Variants in TNFSF4 observed in about 807,000 individuals in gnomAD.
The protein encoded by TNFSF4 is tumor necrosis factor ligand superfamily member 4.
Under a neutral mutation model 7.3 loss-of-function variants are expected in TNFSF4, and 4 were observed. The ratio of observed to expected loss-of-function variants is 0.55; its 90% CI spans 0.27 to 1.25. The LOEUF (loss-of-function observed/expected upper bound fraction) is 1.25, where lower values mean the gene tolerates loss of function less well. Among genes scored for constraint, TNFSF4 ranks in the 50% most tolerant of loss-of-function variants. TNFSF4 has a pLI of 0.12. For missense variants in TNFSF4, 181 were observed against 208.8 expected (o/e 0.87, Z 0.82); for synonymous variants, 76 against 83.7 (o/e 0.91, Z 0.50).
chr1:173,261,740 A>C, the TNFSF4 span, among the ~76,000 whole-genome samples: 1 of 152,212 alleles, frequency 6.6e-6, no homozygotes, highest in Non-Finnish European at 1.5e-5. Flanking sequence ...AGAAATGGAT[A>C]AATTCCTGGA....
the TNFSF4 span, among the ~76,000 whole-genome samples, chr1:173,282,308 T>A: frequency 6.6e-6 from 1 of 152,062 alleles, no homozygotes; most frequent in African/African-American, 2.4e-5. Flanking sequence ...ATGCACCCCA[T>A]AAGTATGTAC....
the TNFSF4 span, among the ~76,000 whole-genome samples, chr1:173,315,121 G>T: frequency 1.3e-5 from 2 of 152,214 alleles, no homozygotes; most frequent in South Asian, 2.1e-4. Context: ...CATTTTTTAC[G>T]TGTGACCTAA....
At chr1:173,440,093 C>G in the TNFSF4 span, among the ~76,000 whole-genome samples, 1 of 152,152 alleles carries the variant, frequency 6.6e-6, no homozygotes, top group African/African-American at 2.4e-5. Flanking sequence ...ATGTGCTCTT[C>G]CCTTGCTTTT....
chr1:173,398,767 C>T, the TNFSF4 span, among the ~76,000 whole-genome samples: 1 of 152,150 alleles, frequency 6.6e-6, no homozygotes, highest in East Asian at 1.9e-4. Flanking sequence ...GTATGGGAAA[C>T]ATCCAAACAT....
the TNFSF4 span, among the ~76,000 whole-genome samples, chr1:173,417,597 A>G: frequency 1.3e-5 from 2 of 152,256 alleles, no homozygotes; most frequent in Non-Finnish European, 2.9e-5. Flanking sequence ...CCAGAGTCCC[A>G]TAGAGGGTGA....
At chr1:173,178,498 C>T in the TNFSF4 span, among the ~76,000 whole-genome samples, 2 of 152,076 alleles carry the variant, frequency 1.3e-5, no homozygotes, top group Non-Finnish European at 2.9e-5. Context: ...GGCGGGAACC[C>T]GGGAAGCAGA....
chr1:173,246,367 T>C, the TNFSF4 span, among the ~76,000 whole-genome samples: 1 of 152,178 alleles, frequency 6.6e-6, no homozygotes, highest in Non-Finnish European at 1.5e-5. Context: ...CCATGTGTTC[T>C]CATTGTTCAA....
chr1:173,204,301 A>T (rs1033628033), intron 1 of TNFSF4, among the ~76,000 whole-genome samples: 1 of 152,224 alleles, frequency 6.6e-6, no homozygotes, highest in Non-Finnish European at 1.5e-5. Flanking sequence ...CATAATACAG[A>T]TTATAAAAAT....
the TNFSF4 span, among the ~76,000 whole-genome samples, chr1:173,390,018 TTAAGGG>T: frequency 6.6e-6 from 1 of 152,138 alleles, no homozygotes; most frequent in Non-Finnish European, 1.5e-5. Flanking sequence ...TGGGCCTGGG[TTAAGGG>T]TAAGTCCTTC....
the TNFSF4 span, among the ~76,000 whole-genome samples, chr1:173,309,524 C>T: frequency 6.6e-6 from 1 of 151,668 alleles, no homozygotes; most frequent in Admixed American, 6.6e-5. Flanking sequence ...ACTTGTATTT[C>T]CAAAATAAAC....
the TNFSF4 span, among the ~76,000 whole-genome samples, chr1:173,241,747 G>A: frequency 3.3e-5 from 5 of 152,240 alleles, no homozygotes; most frequent in Admixed American, 3.3e-4. Flanking sequence ...GGCAGGCTTA[G>A]AAGTGACAAG....
chr1:173,288,456 A>T, the TNFSF4 span, among the ~76,000 whole-genome samples: 5 of 152,138 alleles, frequency 3.3e-5, no homozygotes, highest in Non-Finnish European at 7.4e-5. Flanking sequence ...AAATAAATAA[A>T]TAGCCAAGCA....
At chr1:173,273,638 G>A in the TNFSF4 span, among the ~76,000 whole-genome samples, 1 of 151,852 alleles carries the variant, frequency 6.6e-6, no homozygotes. Flanking sequence ...AAATTTCAGA[G>A]GAATTACACA....
chr1:173,262,880 G>A, the TNFSF4 span, among the ~76,000 whole-genome samples: 6 of 152,130 alleles, frequency 3.9e-5, no homozygotes, highest in South Asian at 2.1e-4. Context: ...GATTACAGGC[G>A]TGAGCCACCA....
chr1:173,316,072 T>A, the TNFSF4 span, among the ~76,000 whole-genome samples: 1 of 152,162 alleles, frequency 6.6e-6, no homozygotes, highest in Non-Finnish European at 1.5e-5. Context: ...GTATCTGATG[T>A]AGGACAAAAG....
chr1:173,440,160 T>TC, the TNFSF4 span, among the ~76,000 whole-genome samples: 3 of 152,182 alleles, frequency 2.0e-5, no homozygotes, highest in Non-Finnish European at 4.4e-5. Flanking sequence ...AAGACCTTCT[T>TC]CCGTTGCATG....
At chr1:173,250,095 C>T in the TNFSF4 span, among the ~76,000 whole-genome samples, 1 of 152,198 alleles carries the variant, frequency 6.6e-6, no homozygotes, top group Admixed American at 6.5e-5. Context: ...GCTGAGCATA[C>T]TCCCTGTTCG....
At chr1:173,292,209 A>G in the TNFSF4 span, among the ~76,000 whole-genome samples, 1 of 152,152 alleles carries the variant, frequency 6.6e-6, no homozygotes, top group Non-Finnish European at 1.5e-5. Flanking sequence ...AATCTCCCTA[A>G]TAAACATAGA....
At chr1:173,254,085 C>A in the TNFSF4 span, among the ~76,000 whole-genome samples, 1 of 152,140 alleles carries the variant, frequency 6.6e-6, no homozygotes, top group African/African-American at 2.4e-5. Context: ...CAAATTAATA[C>A]AATGCAAAGG....
Sources: gnomAD v4.1 joint callset for allele counts (sites outside exome capture counted in the v4.1 genomes callset) on GRCh38, gnomAD v4.1.1 for gene constraint, MANE v1.5 for transcripts, NCBI Gene and HGNC (gene_info 2026-07-23, HGNC 2026-07-21) for gene names.